ANKS6: variants seen among roughly 807,000 people sequenced by gnomAD.
ANKS6 encodes the protein ankyrin repeat and SAM domain-containing protein 6.
ANKS6 carries 47 observed loss-of-function variants against 77.9 expected under a neutral mutation model. The ratio of observed to expected loss-of-function variants is 0.60; its 90% CI spans 0.48 to 0.77. The LOEUF (loss-of-function observed/expected upper bound fraction) is 0.77. Ranked by LOEUF, ANKS6 falls within the 30% of genes least tolerant of loss-of-function variation. The pLI, the probability that ANKS6 is intolerant of heterozygous loss-of-function variation, is 0.00. For missense variants in ANKS6, 1,150 were observed against 1,159.1 expected (o/e 0.99, Z 0.11); for synonymous variants, 488 against 501.7 (o/e 0.97, Z 0.37).
At chr9:98,771,175 C>T (rs1833606486) in intron 9 of ANKS6, 129 bp from the exon 10 acceptor site, 1 of 1,141,800 alleles carries the variant, frequency 8.8e-7, no homozygotes, top group Non-Finnish European at 1.1e-6. Flanking sequence ...CCCAGCATGG[C>T]CCTGCCAGGG....
chr9:98,739,160 A>T lies in ANKS6; in HGVS notation c.2512-2537T>A, dbSNP rs372385654. Among the ~76,000 whole-genome samples, 36 of 151,646 alleles carry T rather than the reference A, an allele frequency of 2.4e-4. 1 individual carries two copies. In the South Asian group the frequency reaches 7.6e-3, roughly 32 times the overall value. ...GGGTGAGGGACAAAAGACTACATAT[A>T]GGGGGCAGTGTATACTGCTTGGGTA... On this transcript the variant is annotated intron_variant, in intron 14 of 14. Coordinates refer to ENST00000353234, the MANE Select transcript of ANKS6 (RefSeq NM_173551.5).
chr9:98,782,474 A>G lies in ANKS6; in HGVS notation c.1212T>C (p.Asn404=), dbSNP rs1834327306. The change falls in exon 5 of 15, where the codon AAT becomes AAC. Residue 404 remains asparagine (N), a synonymous_variant. Coordinates refer to ENST00000353234, the MANE Select transcript of ANKS6 (RefSeq NM_173551.5). The part of the protein sequence containing the change: ...YTAFDLVMLL[N]DPDTELVRLL... ...TTTCTTGAAATTACCTACCGGGATCATTCAGCAGCATCACCAGGTCAAAGG... is the reference window on the plus strand; with the variant it reads ...TTTCTTGAAATTACCTACCGGGATCGTTCAGCAGCATCACCAGGTCAAAGG... 2 of 1,613,834 alleles carry G rather than the reference A, an allele frequency of 1.2e-6. No individual in the cohort carries two copies. Among genetic ancestry groups the G allele is most frequent in the Non-Finnish European group, 1.7e-6 (2 of 1,179,814 alleles).
rs919803250 is a variant in ANKS6, at chr9:98,794,186, G to A, written c.359+1947C>T. Among the ~76,000 whole-genome samples the A allele has an allele frequency of 6.7e-5, 10 of 148,948 alleles. No individual in the cohort carries two copies. In the South Asian group the frequency reaches 2.1e-3, roughly 32 times the overall value. On this transcript the variant is annotated intron_variant, in intron 1 of 14. Transcript: ENST00000353234. ...AAAAAGAACAGGAAAAAACACTAAGGTCACCATTTCTAATACTAAAACACC... is the reference window on the plus strand; with the variant it reads ...AAAAAGAACAGGAAAAAACACTAAGATCACCATTTCTAATACTAAAACACC...
intron 6 of ANKS6, 101 bp from the exon 7 acceptor site, chr9:98,778,525 C>T: frequency 1.9e-6 from 2 of 1,075,656 alleles, no homozygotes; most frequent in Non-Finnish European, 2.7e-6. Flanking sequence ...TCACATGTGC[C>T]TGCCCTCCCC....
chr9:98,762,133 A>G (rs1187690932), intron 11 of ANKS6, among the ~76,000 whole-genome samples: 1 of 152,174 alleles, frequency 6.6e-6, no homozygotes, highest in Non-Finnish European at 1.5e-5. Context: ...CATATAATAC[A>G]TTTTCACATA....
At chr9:98,777,523 G>GGGCACAGCATAAGGATGAGTGACA (rs1833985137) in intron 7 of ANKS6, 69 bp from the exon 8 acceptor site, 1 of 1,496,790 alleles carries the variant, frequency 6.7e-7, no homozygotes, top group Non-Finnish European at 9.3e-7. Context: ...TGAGTGACTG[G>GGGCACAGCATAAGGATGAGTGACA]GGCAGGCTTC....
chr9:98,739,246 ACCTGTTCC>A (rs1035632956), intron 14 of ANKS6, among the ~76,000 whole-genome samples: 3 of 152,112 alleles, frequency 2.0e-5, no homozygotes, highest in Non-Finnish European at 4.4e-5. Flanking sequence ...ACTAAACACC[ACCTGTTCC>A]CCAATAATCT....
chr9:98,789,342 A>C (rs1406361930), intron 2 of ANKS6, among the ~76,000 whole-genome samples: 1 of 151,100 alleles, frequency 6.6e-6, no homozygotes, highest in Non-Finnish European at 1.5e-5. Context: ...CGTGCATTAA[A>C]GGTTTTGAAA....
In ANKS6 at chr9:98,736,440, G is replaced by C. The variant is rs568387783; in HGVS notation, c.*79C>G. ...ATGACTAAGGCACAGCAGTGTGACG[G>C]GGGCAGGGCTGGGGCTGTGGCCACG... On this transcript the variant is annotated 3_prime_UTR_variant, in exon 15 of 15. Coordinates refer to ENST00000353234, the MANE Select transcript of ANKS6 (RefSeq NM_173551.5). 3 of 1,486,764 alleles carry C rather than the reference G, an allele frequency of 2.0e-6. No individual in the cohort carries two copies. In the South Asian group the frequency reaches 4.2e-5, roughly 21 times the overall value. The allele number at this position is 1,486,764 out of a possible 1,614,324, so 92.1% of individuals were successfully genotyped here.
intron 10 of ANKS6, among the ~76,000 whole-genome samples, chr9:98,769,139 A>AAAAGAAAG (rs1185248191): frequency 3.3e-5 from 5 of 151,690 alleles, no homozygotes; most frequent in African/African-American, 1.2e-4. Context: ...AAAAAAAAAA[A>AAAAGAAAG]AAAGAAAGAA....
chr9:98,776,667 C>T (rs1180129631), intron 8 of ANKS6, among the ~76,000 whole-genome samples: 1 of 152,212 alleles, frequency 6.6e-6, no homozygotes, highest in East Asian at 1.9e-4. Flanking sequence ...TCCCAAAGTG[C>T]TGGGATTACA....
At chr9:98,750,510 T>C (rs1832369304) in intron 13 of ANKS6, among the ~76,000 whole-genome samples, 1 of 152,258 alleles carries the variant, frequency 6.6e-6, no homozygotes, top group Non-Finnish European at 1.5e-5. Flanking sequence ...TGGACACATG[T>C]CTTCATTTCT....
At chr9:98,737,882 T>C (rs1831587136) in intron 14 of ANKS6, among the ~76,000 whole-genome samples, 1 of 152,096 alleles carries the variant, frequency 6.6e-6, no homozygotes, top group African/African-American at 2.4e-5. Flanking sequence ...GTATAAAAAA[T>C]AGGCACATAG....
intron 9 of ANKS6, among the ~76,000 whole-genome samples, chr9:98,772,243 T>C (rs1451985354): frequency 6.6e-6 from 1 of 152,170 alleles, no homozygotes; most frequent in Non-Finnish European, 1.5e-5. Flanking sequence ...CATGTATCTT[T>C]ATAAGAGAAA....
At position 98,733,698 on chromosome 9, in the gene ANKS6, G is replaced by C. The variant is rs1346941623; in HGVS notation, c.*2821C>G. ...GATGCTATGAGTTTCTTGGCCCTGT[G>C]AAGAGGCCTGACCCATGCTGGCATG... is the stretch of plus-strand genomic sequence containing the variant. On this transcript the variant is annotated 3_prime_UTR_variant, in exon 15 of 15. Transcript: ENST00000353234. 2.0e-6 allele frequency: 2 copies of C among 985,380 alleles called. No homozygotes were observed. Among genetic ancestry groups the C allele is most frequent in the African/African-American group, 3.5e-5 (2 of 57,242 alleles). 61.0% of individuals were successfully genotyped at this position (985,380 alleles called of 1,614,324 possible). A position where few individuals can be genotyped will look rare whatever the true frequency, so the allele number is the denominator to read the frequency against.
At chr9:98,780,050 T>C in intron 6 of ANKS6, 139 bp downstream of exon 6, 1 of 1,193,948 alleles carries the variant, frequency 8.4e-7, no homozygotes, top group Non-Finnish European at 1.2e-6. Flanking sequence ...TTGTTTCCTA[T>C]TGCTCAATGC....
chr9:98,777,576 A>G, intron 7 of ANKS6, 122 bp from the exon 8 acceptor site: 1 of 809,712 alleles, frequency 1.2e-6, no homozygotes, highest in South Asian at 1.6e-5. Context: ...ATATTTAATA[A>G]TAATTGGTAT....
In ANKS6 at chr9:98,734,350, CTG is replaced by C; in HGVS notation, c.*2167_*2168del. On this transcript the variant is annotated 3_prime_UTR_variant, in exon 15 of 15. Coordinates refer to ENST00000353234, the MANE Select transcript of ANKS6 (RefSeq NM_173551.5). ...GTGAAAAGGTGACCCCCCGGTGCAG[CTG>C]TGTATCATTGTTCAATCAAACTTAC... 1 of 985,462 alleles carries C rather than the reference CTG, an allele frequency of 1.0e-6. No individual in the cohort carries two copies. The highest frequency in any genetic ancestry group is 1.2e-6 in the Non-Finnish European group (1 of 829,980). 61.0% of individuals were successfully genotyped at this position (985,462 alleles called of 1,614,324 possible). A position where few individuals can be genotyped will look rare whatever the true frequency, so the allele number is the denominator to read the frequency against.
intron 5 of ANKS6, among the ~76,000 whole-genome samples, chr9:98,781,129 G>A (rs1409149873): frequency 6.6e-6 from 1 of 152,034 alleles, no homozygotes; most frequent in Non-Finnish European, 1.5e-5. Flanking sequence ...CGAACCCCTG[G>A]CCTCAAGTGA....
Sources: allele counts gnomAD v4.1 joint callset (sites outside exome capture counted in the v4.1 genomes callset), GRCh38; gene constraint gnomAD v4.1.1; transcripts MANE v1.5; gene names NCBI Gene and HGNC (gene_info 2026-07-23, HGNC 2026-07-21).